Variants in ARL13B observed in about 807,000 individuals in gnomAD.
ARL13B encodes the protein ADP-ribosylation factor-like protein 13B.
ARL13B carries 36 observed loss-of-function variants against 56.1 expected under a neutral mutation model. The observed-to-expected ratio is 0.64, with a 90% CI of 0.49 to 0.85. The LOEUF is 0.85. Ranked by LOEUF, ARL13B falls within the 40% of genes least tolerant of loss-of-function variation. ARL13B has a pLI of 0.00. For missense variants in ARL13B, 519 were observed against 507.1 expected, an observed-to-expected ratio of 1.02 and a Z score of -0.23; for synonymous variants, 178 against 171.1, an observed-to-expected ratio of 1.04 and a Z score of -0.32.
At chr3:94,041,164 CA>C (rs1427411208) in intron 6 of ARL13B, among the ~76,000 whole-genome samples, 3 of 151,486 alleles carry the variant, frequency 2.0e-5, no homozygotes, top group African/African-American at 4.8e-5. Flanking sequence ...AAGCACCTAA[CA>C]TTTTTTTTTA....
intron 1 of ARL13B, chr3:93,989,028 TG>T: frequency 3.9e-6 from 1 of 258,832 alleles, no homozygotes; most frequent in South Asian, 4.2e-5. Flanking sequence ...GCCTGGCTAC[TG>T]GCACTCCTCC....
chr3:94,034,239 A>G (rs1278735205), intron 3 of ARL13B, among the ~76,000 whole-genome samples: 1 of 151,998 alleles, frequency 6.6e-6, no homozygotes, highest in Non-Finnish European at 1.5e-5. Flanking sequence ...ACAAAAAAAA[A>G]GAAGGTATAT....
intron 1 of ARL13B, among the ~76,000 whole-genome samples, chr3:93,982,972 TTTGA>T (rs1710290705): frequency 6.6e-6 from 1 of 152,174 alleles, no homozygotes; most frequent in African/African-American, 2.4e-5. Context: ...AAATTGCCTG[TTTGA>T]TTATTATGTA....
At chr3:94,039,220 G>A (rs561546871) in intron 5 of ARL13B, among the ~76,000 whole-genome samples, 1 of 152,192 alleles carries the variant, frequency 6.6e-6, no homozygotes, top group East Asian at 1.9e-4. Flanking sequence ...TTACTATTTG[G>A]CTGGGCGCGG....
At chr3:94,003,627 G>T (rs2076087861) in intron 2 of ARL13B, 32 bp from the exon 3 acceptor site, 1 of 1,608,624 alleles carries the variant, frequency 6.2e-7, no homozygotes, top group Non-Finnish European at 8.5e-7. Context: ...AAAGTCTAAA[G>T]ATTTTCTTTT....
intron 3 of ARL13B, among the ~76,000 whole-genome samples, chr3:94,006,328 C>T (rs1392436870): frequency 2.6e-5 from 4 of 151,906 alleles, no homozygotes; most frequent in Non-Finnish European, 4.4e-5. Context: ...GTATCCTACT[C>T]TTTTTTTTGA....
intron 3 of ARL13B, among the ~76,000 whole-genome samples, chr3:94,011,223 C>T (rs1325499401): frequency 1.3e-5 from 2 of 152,068 alleles, no homozygotes; most frequent in Non-Finnish European, 2.9e-5. Context: ...CTTCATCATA[C>T]GTACCTGGAA....
intron 3 of ARL13B, among the ~76,000 whole-genome samples, chr3:94,032,041 A>G (rs567591412): frequency 1.3e-5 from 2 of 152,328 alleles, no homozygotes; most frequent in African/African-American, 4.8e-5. Context: ...TCAAAAGCAA[A>G]AGCAACAAAA....
At chr3:94,042,589 C>G (rs1269261601) in intron 6 of ARL13B, among the ~76,000 whole-genome samples, 1 of 151,978 alleles carries the variant, frequency 6.6e-6, no homozygotes, top group South Asian at 2.1e-4. Context: ...ATAAAAACTT[C>G]AATTCTTTTT....
In ARL13B at chr3:94,053,456, G is replaced by C; in HGVS notation, c.*193G>C. On this transcript the variant is annotated 3_prime_UTR_variant, in exon 10 of 10. Transcript: ENST00000394222. The stretch of plus-strand genomic sequence containing the variant: ...GTTTTTCATGGTTAAAAAAATAAAA[G>C]AAGCACAATGACCAGTACATGAAAT... 2 of 689,278 alleles carry C rather than the reference G, an allele frequency of 2.9e-6. No individual in the cohort carries two copies. Among genetic ancestry groups the C allele is most frequent in the Non-Finnish European group, 5.2e-6 (2 of 381,564 alleles). 42.7% of individuals were successfully genotyped at this position (689,278 alleles called of 1,614,324 possible). A position where few individuals can be genotyped will look rare whatever the true frequency, so the allele number is the denominator to read the frequency against.
chr3:94,011,068 T>A (rs1395789244), intron 3 of ARL13B, among the ~76,000 whole-genome samples: 1 of 152,132 alleles, frequency 6.6e-6, no homozygotes, highest in Non-Finnish European at 1.5e-5. Context: ...TCTCTAGCGA[T>A]GCTTGATAAT....
intron 7 of ARL13B, among the ~76,000 whole-genome samples, chr3:94,045,447 T>TAAAAAAAA (rs1047984463): frequency 1.4e-5 from 1 of 73,554 alleles, no homozygotes; most frequent in African/African-American, 5.2e-5. Flanking sequence ...CAATAAATAC[T>TAAAAAAAA]AAAAAAAAAA....
chr3:94,051,297 T>C (rs2107200291), intron 9 of ARL13B, among the ~76,000 whole-genome samples: 1 of 152,206 alleles, frequency 6.6e-6, no homozygotes, highest in East Asian at 1.9e-4. Context: ...TAATTTTTTC[T>C]CTCTACTCCT....
intron 1 of ARL13B, among the ~76,000 whole-genome samples, chr3:93,994,638 G>T (rs1174169689): frequency 6.6e-6 from 1 of 152,046 alleles, no homozygotes; most frequent in Admixed American, 6.5e-5. Flanking sequence ...CTGGTGTCTG[G>T]TATATAGAAG....
At position 93,990,251 on chromosome 3, in the gene ARL13B, A is replaced by G. The variant is rs1575932069; in HGVS notation, c.60-5623A>G. Among the ~76,000 whole-genome samples the G allele has an allele frequency of 4.6e-5, 7 of 152,068 alleles. No homozygotes were observed. The South Asian group carries it at 1.5e-3, about 32-fold the overall frequency. The stretch of plus-strand genomic sequence containing the variant: ...TCAAATTCCTGACCTCAAGTGATCC[A>G]CCTGCGTTGGCATCCCAAAGTGCTG... On this transcript the variant is annotated intron_variant, in intron 1 of 9. Coordinates refer to ENST00000394222, the MANE Select transcript of ARL13B (RefSeq NM_001174150.2).
chr3:94,005,697 T>C (rs1024005537), intron 3 of ARL13B, among the ~76,000 whole-genome samples: 1 of 152,236 alleles, frequency 6.6e-6, no homozygotes. Context: ...GTTTGCCATT[T>C]GACCAGATTT....
intron 1 of ARL13B, among the ~76,000 whole-genome samples, chr3:93,994,563 TTTTG>T (rs1239347592): frequency 4.6e-5 from 7 of 152,120 alleles, no homozygotes; most frequent in South Asian, 2.1e-4. Flanking sequence ...CTTTATCTGT[TTTTG>T]TTTGTTTTAT....
intron 3 of ARL13B, among the ~76,000 whole-genome samples, chr3:94,013,926 G>C (rs1043763623): frequency 6.6e-6 from 1 of 152,180 alleles, no homozygotes; most frequent in Non-Finnish European, 1.5e-5. Flanking sequence ...CAGCCTGGGT[G>C]ACAGAGTGAA....
chr3:93,990,546 G>A (rs2075854679), intron 1 of ARL13B, among the ~76,000 whole-genome samples: 2 of 152,028 alleles, frequency 1.3e-5, no homozygotes, highest in Non-Finnish European at 2.9e-5. Context: ...TGTCACATGA[G>A]GTCACGTGTG....
Sources: gnomAD v4.1 joint callset for allele counts (sites outside exome capture counted in the v4.1 genomes callset) on GRCh38, gnomAD v4.1.1 for gene constraint, MANE v1.5 for transcripts, NCBI Gene and HGNC (gene_info 2026-07-23, HGNC 2026-07-21) for gene names.